HYDIN: variants seen among roughly 807,000 people sequenced by gnomAD.
HYDIN encodes axonemal central pair apparatus protein HYDIN.
HYDIN carries 132 observed loss-of-function variants against 403.9 expected under a neutral mutation model. The ratio of observed to expected loss-of-function variants is 0.33; its 90% CI spans 0.28 to 0.38. The LOEUF (loss-of-function observed/expected upper bound fraction) is 0.38, where lower values mean the gene tolerates loss of function less well. Among genes scored for constraint, HYDIN ranks in the 10% least tolerant of loss-of-function variants. The pLI is 1.00. For missense variants in HYDIN, 2,827 were observed against 5,009.5 expected (o/e 0.56, Z 13.15); for synonymous variants, 1,202 against 1,891.7 (o/e 0.64, Z 9.46).
At chr16:71,163,176 G>T (rs1312638820) in intron 5 of HYDIN, among the ~76,000 whole-genome samples, 2 of 146,094 alleles carry the variant, frequency 1.4e-5, no homozygotes, top group African/African-American at 2.6e-5. Flanking sequence ...AGGCTGGAGT[G>T]CAGTGGCGCA....
intron 10 of HYDIN, among the ~76,000 whole-genome samples, chr16:71,110,284 AATAG>A (rs1007376610): frequency 6.9e-6 from 1 of 144,816 alleles, no homozygotes; most frequent in Admixed American, 7.0e-5. Context: ...CATAATATAT[AATAG>A]ATATAATAAA....
At chr16:70,940,904 C>T (rs1407759899) in intron 43 of HYDIN, among the ~76,000 whole-genome samples, 1 of 152,232 alleles carries the variant, frequency 6.6e-6, no homozygotes, top group East Asian at 1.9e-4. Context: ...CTCTGACTCC[C>T]GTAGACAGCG....
In HYDIN at chr16:70,832,834, C is replaced by T; in HGVS notation, c.13899+14G>A. ...ACTCCTGCCACTGGGCCACCCCGGG[C>T]AGCAGCTACTAACCTCTTTTACCGC... On this transcript the variant is annotated intron_variant, in intron 80 of 85. Transcript: ENST00000393567. 2 of 1,599,112 alleles carry T rather than the reference C, an allele frequency of 1.3e-6. No homozygotes were observed. The highest frequency in any genetic ancestry group is 1.7e-6 in the Non-Finnish European group (2 of 1,169,400).
Position 71,053,523 on chromosome 16 carries a change from T to C in HYDIN, c.2529+6981A>G, listed in dbSNP as rs118138634. Among the ~76,000 whole-genome samples the C allele has an allele frequency of 3.1e-3, 450 of 147,296 alleles. 13 individuals carry two copies. In the East Asian group the frequency reaches 0.078, roughly 26 times the overall value. On this transcript the variant is annotated intron_variant, in intron 18 of 85. Coordinates refer to ENST00000393567, the MANE Select transcript of HYDIN (RefSeq NM_001270974.2). Reference sequence around the variant, plus strand: ...TTATAGGCATTAACATGGATAGATGTTGTAAACGTAATTTTGAGCCTGAAA... The same window carrying C: ...TTATAGGCATTAACATGGATAGATGCTGTAAACGTAATTTTGAGCCTGAAA...
At chr16:71,228,502 T>A (rs962664285) in intron 1 of HYDIN, among the ~76,000 whole-genome samples, 5 of 152,154 alleles carry the variant, frequency 3.3e-5, no homozygotes, top group Non-Finnish European at 7.3e-5. Context: ...GCAAAGGATA[T>A]GAACAGACAC....
intron 41 of HYDIN, among the ~76,000 whole-genome samples, chr16:70,945,800 G>T (rs1445368613): frequency 6.6e-6 from 1 of 152,168 alleles, no homozygotes; most frequent in Non-Finnish European, 1.5e-5. Context: ...CTCTGTATTT[G>T]TCCAGGTGAA....
intron 38 of HYDIN, among the ~76,000 whole-genome samples, chr16:70,960,398 A>G (rs898676631): frequency 1.5e-5 from 2 of 131,076 alleles, no homozygotes; most frequent in Non-Finnish European, 3.1e-5. Flanking sequence ...GAGACTGTAT[A>G]GCCTTCAAAG....
intron 62 of HYDIN, 57 bp downstream of exon 62, chr16:70,879,240 A>G (rs2040629319): frequency 7.7e-7 from 1 of 1,297,028 alleles, no homozygotes; most frequent in Admixed American, 2.2e-5. Flanking sequence ...CAGTGGCAGA[A>G]GTGTAACTTC....
chr16:71,067,771 G>C (rs995958040), intron 14 of HYDIN, among the ~76,000 whole-genome samples: 1 of 152,110 alleles, frequency 6.6e-6, no homozygotes, highest in African/African-American at 2.4e-5. Context: ...TAATATACTA[G>C]TAAAACACTA....
chr16:70,948,037 T>C lies in HYDIN; in HGVS notation c.6532-4088A>G, dbSNP rs368828863. Among the ~76,000 whole-genome samples the C allele has an allele frequency of 6.7e-3, 1,017 of 151,332 alleles. 3 individuals are homozygous for C. Among genetic ancestry groups the C allele is most frequent in the Middle Eastern group, 0.024 (7 of 294 alleles). On this transcript the variant is annotated intron_variant, in intron 41 of 85. Transcript: ENST00000393567. ...CAAAAGAACAAAGCTGGAGGCATCA[T>C]GCTACCTGACTTCAAACTATACTAC... is the stretch of plus-strand genomic sequence containing the variant.
At chr16:70,951,242 AAGGGAC>A (rs1486915362) in intron 41 of HYDIN, among the ~76,000 whole-genome samples, 288 of 84,140 alleles carry the variant, frequency 3.4e-3, no homozygotes, top group Non-Finnish European at 6.1e-3. Flanking sequence ...CTCTAGGGAA[AAGGGAC>A]AGAGAGAGAG....
intron 5 of HYDIN, among the ~76,000 whole-genome samples, chr16:71,169,635 G>C (rs1567402794): frequency 2.6e-5 from 4 of 152,208 alleles, no homozygotes; most frequent in Non-Finnish European, 1.5e-5. Context: ...CATAGAAGCA[G>C]AGAGTAGAAC....
intron 55 of HYDIN, chr16:70,894,067 C>T (rs1218189202): frequency 1.3e-5 from 2 of 154,450 alleles, no homozygotes; most frequent in Admixed American, 1.3e-4. Context: ...GACCTCTTCT[C>T]ACCCCTAGAA....
rs1198449674 is a variant in HYDIN at position 70,965,936 on chromosome 16, GAAGA to G, written c.5620-1044_5620-1041del. On this transcript the variant is annotated intron_variant, in intron 36 of 85. Coordinates refer to ENST00000393567, the MANE Select transcript of HYDIN (RefSeq NM_001270974.2). ...GAAAGACACATTGACCACTGAAATAGAAGAGAGAGCTCAGAATTGACCCATTTAT... is the reference window on the plus strand; with the variant it reads ...GAAAGACACATTGACCACTGAAATAGGAGAGCTCAGAATTGACCCATTTAT... Among the ~76,000 whole-genome samples the G allele has an allele frequency of 1.3e-4, 20 of 152,318 alleles. 1 individual carries two copies. In the East Asian group the frequency reaches 2.7e-3, roughly 21 times the overall value.
intron 78 of HYDIN, among the ~76,000 whole-genome samples, chr16:70,834,738 C>T (rs1479314856): frequency 2.0e-5 from 3 of 151,792 alleles, no homozygotes; most frequent in Non-Finnish European, 4.4e-5. Context: ...GTCCCAGCTA[C>T]TCAGGAGGCT....
intron 36 of HYDIN, among the ~76,000 whole-genome samples, chr16:70,967,191 G>T (rs1364254697): frequency 1.3e-5 from 2 of 152,144 alleles, no homozygotes; most frequent in African/African-American, 4.8e-5. Flanking sequence ...ATGTGGATTT[G>T]GGGGGAGCTG....
chr16:70,813,771 C>A, intron 84 of HYDIN, among the ~76,000 whole-genome samples: 1 of 148,392 alleles, frequency 6.7e-6, no homozygotes, highest in African/African-American at 2.5e-5. Context: ...ATGTAAAGGG[C>A]CAAGAATAGC....
At chr16:71,118,887 T>C (rs1227523086) in intron 9 of HYDIN, among the ~76,000 whole-genome samples, 1 of 151,212 alleles carries the variant, frequency 6.6e-6, no homozygotes, top group African/African-American at 2.4e-5. Flanking sequence ...TACTCACCCA[T>C]GACACAAACA....
intron 1 of HYDIN, among the ~76,000 whole-genome samples, chr16:71,227,970 C>T (rs575611735): frequency 1.7e-4 from 26 of 152,114 alleles, no homozygotes; most frequent in African/African-American, 5.5e-4. Context: ...GAGATATAGA[C>T]CAATGGAACA....
Sources: allele counts gnomAD v4.1 joint callset (sites outside exome capture counted in the v4.1 genomes callset), GRCh38; gene constraint gnomAD v4.1.1; transcripts MANE v1.5; gene names NCBI Gene and HGNC (gene_info 2026-07-23, HGNC 2026-07-21).